The following TRPS1 variants were observed in gnomAD, a reference collection of about 807,000 sequenced individuals.
TRPS1 encodes transcriptional repressor GATA binding 1, also known as zinc finger transcription factor Trps1.
TRPS1 carries 6 observed loss-of-function variants against 101.2 expected under a neutral mutation model. The observed-to-expected ratio is 0.06, with a 90% CI of 0.03 to 0.12. TRPS1 has a LOEUF of 0.12. Among genes scored for constraint, TRPS1 ranks in the 10% least tolerant of loss-of-function variants. The pLI, the probability that TRPS1 is intolerant of heterozygous loss-of-function variation, is 1.00. For synonymous variants in TRPS1, 578 were observed against 589.8 expected, an observed-to-expected ratio of 0.98 and a Z score of 0.29; for missense variants, 1,363 against 1,567.0, an observed-to-expected ratio of 0.87 and a Z score of 2.20.
At chr8:115,576,676 T>A (rs1817326972) in intron 5 of TRPS1, among the ~76,000 whole-genome samples, 1 of 151,908 alleles carries the variant, frequency 6.6e-6, no homozygotes, top group Non-Finnish European at 1.5e-5. Context: ...TACCAGAAAA[T>A]AAAATACAGG....
At chr8:115,640,073 T>A (rs1297607653) in intron 1 of TRPS1, among the ~76,000 whole-genome samples, 1 of 152,110 alleles carries the variant, frequency 6.6e-6, no homozygotes, top group African/African-American at 2.4e-5. Context: ...ACACCTTAAT[T>A]CCATAATCTG....
At chr8:115,601,224 A>T (rs775342783) in intron 4 of TRPS1, among the ~76,000 whole-genome samples, 3 of 152,238 alleles carry the variant, frequency 2.0e-5, no homozygotes, top group Non-Finnish European at 4.4e-5. Context: ...TCACAGAAAT[A>T]ACACAGAATT....
rs202001185 is a variant in TRPS1, at chr8:115,619,556, T to C, written c.542A>G (p.Gln181Arg). ...ACCTTGACAATTGGCTTGACCACTC[T>C]GTGCTTGCCCTGTTTCCTCTGTAGC... ...PKATEETGQA[Q>R]SGQANCQGLS... Residue 181 changes from glutamine to arginine, a missense_variant, in exon 3 of 7, where the codon CAG becomes CGG. Physicochemically the swap from Gln to Arg is conservative, Grantham distance 43 (BLOSUM62 1). Coordinates refer to ENST00000395715, the MANE Select transcript of TRPS1 (RefSeq NM_014112.5). 7.7e-5 allele frequency: 125 copies of C among 1,614,196 alleles called. No homozygotes were observed. In the East Asian group the frequency reaches 2.7e-3, roughly 35 times the overall value.
chr8:115,668,436 G>A (rs1811984352), intron 1 of TRPS1, 109 bp downstream of exon 1: 1 of 143,862 alleles, frequency 7.0e-6, no homozygotes, highest in Non-Finnish European at 1.5e-5. Context: ...CACACGAGCG[G>A]GCGCTGCACT....
chr8:115,539,645 C>A (rs963175934), intron 5 of TRPS1, among the ~76,000 whole-genome samples: 7 of 151,958 alleles, frequency 4.6e-5, no homozygotes, highest in African/African-American at 1.7e-4. Flanking sequence ...TGAGACCAGC[C>A]TGGACAACAT....
intron 5 of TRPS1, among the ~76,000 whole-genome samples, chr8:115,426,304 T>C (rs1332356584): frequency 6.6e-6 from 1 of 152,078 alleles, no homozygotes; most frequent in Admixed American, 6.6e-5. Context: ...CATATTTTAT[T>C]TATATAATAT....
At chr8:115,625,305 T>C (rs1405594781) in intron 1 of TRPS1, among the ~76,000 whole-genome samples, 5 of 151,996 alleles carry the variant, frequency 3.3e-5, no homozygotes, top group Admixed American at 6.6e-5. Context: ...CAAGTCCTTT[T>C]GCTTCTCTGA....
chr8:115,429,129 T>C (rs1288800597), intron 5 of TRPS1, among the ~76,000 whole-genome samples: 4 of 152,194 alleles, frequency 2.6e-5, no homozygotes, highest in Non-Finnish European at 5.9e-5. Flanking sequence ...ACGGGAAAAC[T>C]ACCTCTTCAA....
chr8:115,513,532 GT>G (rs1563565899), intron 5 of TRPS1, among the ~76,000 whole-genome samples: 3 of 151,446 alleles, frequency 2.0e-5, no homozygotes, highest in African/African-American at 7.3e-5. Context: ...CAGAGCAAGG[GT>G]TAATAAATTA....
At chr8:115,608,909 G>C (rs1283623514) in intron 3 of TRPS1, among the ~76,000 whole-genome samples, 1 of 147,228 alleles carries the variant, frequency 6.8e-6, no homozygotes, top group Non-Finnish European at 1.5e-5. Flanking sequence ...GCAATGTCAC[G>C]ATCTCCGCTC....
At chr8:115,563,485 C>T (rs1816996239) in intron 5 of TRPS1, among the ~76,000 whole-genome samples, 1 of 152,090 alleles carries the variant, frequency 6.6e-6, no homozygotes, top group Non-Finnish European at 1.5e-5. Context: ...ATCACTAAAC[C>T]GATGGTTAGC....
chr8:115,504,005 A>T (rs1815381613), intron 5 of TRPS1, among the ~76,000 whole-genome samples: 1 of 152,310 alleles, frequency 6.6e-6, no homozygotes, highest in East Asian at 1.9e-4. Flanking sequence ...TAGATTGCTC[A>T]ACTGAATTCT....
rs1053151465 is a variant in TRPS1 at position 115,528,426 on chromosome 8, C to A, written c.2700+58575G>T. Among the ~76,000 whole-genome samples the A allele has an allele frequency of 2.6e-5, 4 of 152,118 alleles. No individual in the cohort carries two copies. The South Asian group carries it at 8.3e-4, about 32-fold the overall frequency. On this transcript the variant is annotated intron_variant, in intron 5 of 6. Transcript: ENST00000395715. ...AGAGGTTAAATAGCACTCGCATAGA[C>A]AGAAAATGAGAGGGTCAGGATTACA...
At chr8:115,549,220 AC>A (rs985530981) in intron 5 of TRPS1, among the ~76,000 whole-genome samples, 146 of 152,160 alleles carry the variant, frequency 9.6e-4, no homozygotes, top group African/African-American at 3.4e-3. Flanking sequence ...TCTCTCCCTA[AC>A]CCCCTGCTAT....
At chr8:115,667,678 T>A (rs1811955952) in intron 1 of TRPS1, among the ~76,000 whole-genome samples, 1 of 152,234 alleles carries the variant, frequency 6.6e-6, no homozygotes, top group South Asian at 2.1e-4. Flanking sequence ...TGAGCCGCTC[T>A]GAGGCGGGTG....
intron 5 of TRPS1, chr8:115,492,122 C>A: frequency 2.2e-6 from 1 of 447,466 alleles, no homozygotes; most frequent in South Asian, 1.6e-5. Flanking sequence ...AACAAAAAAT[C>A]CAGAGGGGTG....
intron 5 of TRPS1, among the ~76,000 whole-genome samples, chr8:115,474,585 G>A (rs183839208): frequency 1.3e-4 from 20 of 152,238 alleles, no homozygotes; most frequent in Non-Finnish European, 2.4e-4. Flanking sequence ...TGTTCTGTAA[G>A]AGTAGTGAAA....
chr8:115,447,885 A>G (rs1813776726), intron 5 of TRPS1, among the ~76,000 whole-genome samples: 1 of 152,162 alleles, frequency 6.6e-6, no homozygotes, highest in Non-Finnish European at 1.5e-5. Context: ...AAAGTGCATT[A>G]AACCTTTGAA....
At chr8:115,488,312 G>A (rs767018844) in intron 5 of TRPS1, among the ~76,000 whole-genome samples, 15 of 152,126 alleles carry the variant, frequency 9.9e-5, no homozygotes, top group Non-Finnish European at 2.2e-4. Flanking sequence ...ATATTCATGG[G>A]ATTTGTTTTC....
Sources: allele counts gnomAD v4.1 joint callset (sites outside exome capture counted in the v4.1 genomes callset), GRCh38; gene constraint gnomAD v4.1.1; transcripts MANE v1.5; gene names NCBI Gene and HGNC (gene_info 2026-07-23, HGNC 2026-07-21).